The following DNM3 variants were observed in gnomAD, a reference collection of about 807,000 sequenced individuals.
DNM3 encodes the protein dynamin 3, also known as dynamin-3.
In DNM3, 47 loss-of-function variants were observed where a neutral mutation model predicts 101.6. The observed-to-expected ratio is 0.46, with a 90% CI of 0.37 to 0.59. The LOEUF is 0.59. DNM3 is among the 20% of genes least tolerant of loss of function. DNM3 has a pLI of 0.00. For synonymous variants in DNM3, 385 were observed against 387.9 expected (o/e 0.99, Z 0.09); for missense variants, 849 against 1,085.7 (o/e 0.78, Z 3.06).
intron 2 of DNM3, among the ~76,000 whole-genome samples, chr1:171,929,790 A>G (rs2125358701): frequency 6.6e-6 from 1 of 152,236 alleles, no homozygotes; most frequent in South Asian, 2.1e-4. Flanking sequence ...GGTCCCGCCT[A>G]GTGAGGAGGA....
At position 172,193,438 on chromosome 1, in the gene DNM3, C is replaced by G. The variant is rs146180769; in HGVS notation, c.1660-60135C>G. Among the ~76,000 whole-genome samples the G allele has an allele frequency of 5.1e-3, 781 of 152,242 alleles. 2 individuals carry two copies. Among genetic ancestry groups the G allele is most frequent in the Non-Finnish European group, 7.6e-3 (519 of 68,008 alleles). On this transcript the variant is annotated intron_variant, in intron 14 of 20. Transcript: ENST00000627582. The stretch of plus-strand genomic sequence containing the variant: ...TGGAATAGTTTCAGAAGGAATGGAA[C>G]CAGCTCCTCTTTCTACCTCTGGTAG...
rs183709461 is a variant in DNM3, at chr1:172,075,241, T to A, written c.1422+6336T>A. ...TTGTCAGATGGGTAGATTGCAAAAA[T>A]TTTTTTCCCATTCTATAGGTTGCCT... is the stretch of plus-strand genomic sequence containing the variant. On this transcript the variant is annotated intron_variant, in intron 11 of 20. Coordinates refer to ENST00000627582, the MANE Select transcript of DNM3 (RefSeq NM_015569.5). 7.9e-4 allele frequency among the ~76,000 whole-genome samples: 121 copies of A among 152,212 alleles called. 1 individual carries two copies. In the East Asian group the frequency reaches 0.016, roughly 21 times the overall value.
intron 11 of DNM3, among the ~76,000 whole-genome samples, chr1:172,081,141 A>C (rs2053112960): frequency 6.6e-6 from 1 of 152,188 alleles, no homozygotes; most frequent in African/African-American, 2.4e-5. Context: ...ACTGAAATGC[A>C]GTGGCTATTC....
chr1:171,927,728 C>A (rs1388593396), intron 2 of DNM3, among the ~76,000 whole-genome samples: 3 of 152,162 alleles, frequency 2.0e-5, no homozygotes, highest in Non-Finnish European at 2.9e-5. Flanking sequence ...ATGGAGGGAG[C>A]TGGCTATATT....
intron 2 of DNM3, among the ~76,000 whole-genome samples, chr1:171,944,385 G>A (rs868202609): frequency 8.3e-5 from 11 of 132,490 alleles, no homozygotes; most frequent in African/African-American, 2.4e-4. Flanking sequence ...TTATTTATTT[G>A]TTTATTTATA....
At chr1:172,229,926 G>A (rs1171731745) in intron 14 of DNM3, among the ~76,000 whole-genome samples, 1 of 152,092 alleles carries the variant, frequency 6.6e-6, no homozygotes, top group Middle Eastern at 3.2e-3. Flanking sequence ...CTAGGACAGT[G>A]TATTGACATA....
intron 13 of DNM3, among the ~76,000 whole-genome samples, chr1:172,125,042 C>T (rs192132100): frequency 1.3e-5 from 2 of 152,242 alleles, no homozygotes; most frequent in East Asian, 1.9e-4. Context: ...CCATTGCCTT[C>T]GAGGAGCCCA....
Position 172,308,758 on chromosome 1 carries a change from G to T in DNM3, c.1800G>T (p.Glu600Asp). The T allele has an allele frequency of 1.2e-6, 2 of 1,606,074 alleles. No individual in the cohort carries two copies. Among genetic ancestry groups the T allele is most frequent in the Admixed American group, 1.7e-5 (1 of 58,716 alleles). ...RNVYKDYRFL[E>D]LACDSQEDVD... ...TATACAAAGACTATCGCTTCCTTGA[G>T]CTGGCATGTGATTCCCAGGAGGATG... The change falls in exon 16 of 21, where the codon GAG (glutamate) becomes GAT (aspartate). Residue 600 changes from glutamate (E) to aspartate (D), a missense_variant. Around this residue, in one of 5 missense-constraint regions of DNM3, gnomAD observed 193 missense variants for 238.4 expected, o/e 0.81. Coordinates refer to ENST00000627582, the MANE Select transcript of DNM3 (RefSeq NM_015569.5).
intron 14 of DNM3, among the ~76,000 whole-genome samples, chr1:172,181,841 T>C (rs2059359423): frequency 6.6e-6 from 1 of 151,610 alleles, no homozygotes; most frequent in Non-Finnish European, 1.5e-5. Flanking sequence ...TGGGGTTATT[T>C]GAAAGAAGTT....
At chr1:172,233,700 G>A (rs1313328112) in intron 14 of DNM3, among the ~76,000 whole-genome samples, 3 of 152,158 alleles carry the variant, frequency 2.0e-5, no homozygotes, top group Non-Finnish European at 2.9e-5. Context: ...CCATGATCAA[G>A]TGGGCTTCAT....
chr1:172,079,218 A>G (rs995791444), intron 11 of DNM3, among the ~76,000 whole-genome samples: 10 of 152,180 alleles, frequency 6.6e-5, no homozygotes. Flanking sequence ...AGTGTTTTCC[A>G]ACTTCATTCC....
intron 13 of DNM3, among the ~76,000 whole-genome samples, chr1:172,100,850 G>A (rs1389769894): frequency 1.3e-5 from 2 of 152,164 alleles, no homozygotes; most frequent in Admixed American, 6.5e-5. Flanking sequence ...CGGACTGCAA[G>A]ATGACTGTCA....
At chr1:171,921,356 C>T (rs774102566) in intron 1 of DNM3, among the ~76,000 whole-genome samples, 4 of 151,986 alleles carry the variant, frequency 2.6e-5, no homozygotes, top group South Asian at 4.2e-4. Flanking sequence ...GGCCAAAGAG[C>T]GTACTGGGTT....
intron 17 of DNM3, among the ~76,000 whole-genome samples, chr1:172,375,158 T>C (rs1206140164): frequency 6.6e-6 from 1 of 152,076 alleles, no homozygotes; most frequent in African/African-American, 2.4e-5. Flanking sequence ...TATTTGAGTA[T>C]GTAAACATGA....
intron 2 of DNM3, among the ~76,000 whole-genome samples, chr1:171,961,815 A>T (rs575118637): frequency 2.6e-4 from 39 of 152,352 alleles, no homozygotes; most frequent in Admixed American, 9.2e-4. Context: ...GATGAACTTG[A>T]AAACATTATG....
At chr1:172,060,016 A>G (rs149902398) in intron 10 of DNM3, among the ~76,000 whole-genome samples, 1 of 151,712 alleles carries the variant, frequency 6.6e-6, no homozygotes, top group African/African-American at 2.4e-5. Flanking sequence ...TACAAAATCA[A>G]TGTACAGAAA....
chr1:172,360,968 G>A (rs1349413803), intron 17 of DNM3, among the ~76,000 whole-genome samples: 1 of 151,992 alleles, frequency 6.6e-6, no homozygotes, highest in Non-Finnish European at 1.5e-5. Flanking sequence ...CTTTTAGCCA[G>A]ATTTATGAAT....
chr1:172,246,852 C>A (rs1433794070), intron 14 of DNM3, among the ~76,000 whole-genome samples: 1 of 152,100 alleles, frequency 6.6e-6, no homozygotes, highest in Non-Finnish European at 1.5e-5. Context: ...TTGGTCCCTA[C>A]CCATAAACCC....
chr1:171,905,246 T>C (rs2038722487), intron 1 of DNM3, among the ~76,000 whole-genome samples: 1 of 152,236 alleles, frequency 6.6e-6, no homozygotes, highest in Non-Finnish European at 1.5e-5. Flanking sequence ...ATATCCATCC[T>C]GAAATGTCGT....
Sources: allele counts gnomAD v4.1 joint callset (sites outside exome capture counted in the v4.1 genomes callset), GRCh38; gene constraint gnomAD v4.1.1; regional missense constraint gnomAD v4.1.1; transcripts MANE v1.5; gene names NCBI Gene and HGNC (gene_info 2026-07-23, HGNC 2026-07-21).